The following KIAA0753 variants were observed in gnomAD, a reference collection of about 807,000 sequenced individuals.
KIAA0753 encodes the protein protein moonraker.
Under a neutral mutation model 116.9 loss-of-function variants are expected in KIAA0753, and 114 were observed. The observed-to-expected ratio is 0.98, with a 90% confidence interval of 0.84 to 1.14. The LOEUF (loss-of-function observed/expected upper bound fraction) is 1.14. Ranked by LOEUF, KIAA0753 falls within the 50% of genes most tolerant of loss-of-function variation. The pLI is 0.00. For synonymous variants in KIAA0753, 405 were observed against 413.1 expected (o/e 0.98, Z 0.24); for missense variants, 1,156 against 1,172.4 (o/e 0.99, Z 0.20).
At chr17:6,624,342 A>G (rs536639555) in intron 4 of KIAA0753, among the ~76,000 whole-genome samples, 1 of 152,302 alleles carries the variant, frequency 6.6e-6, no homozygotes, top group East Asian at 1.9e-4. Context: ...GAAACTAACA[A>G]GGTCCCTTTC....
At chr17:6,632,991 C>T (rs936501920) in intron 2 of KIAA0753, among the ~76,000 whole-genome samples, 8 of 152,174 alleles carry the variant, frequency 5.3e-5, no homozygotes. Flanking sequence ...ATTGGGACAA[C>T]TAACAAAATC....
At chr17:6,617,551 C>T (rs1224992375) in intron 7 of KIAA0753, among the ~76,000 whole-genome samples, 1 of 152,112 alleles carries the variant, frequency 6.6e-6, no homozygotes, top group Admixed American at 6.5e-5. Context: ...ATCTTTTTTC[C>T]TAATATTTGG....
At chr17:6,614,961 G>C (rs1441412606) in intron 7 of KIAA0753, among the ~76,000 whole-genome samples, 1 of 152,122 alleles carries the variant, frequency 6.6e-6, no homozygotes, top group East Asian at 1.9e-4. Context: ...ACCACGCCCA[G>C]CTAATTTTTG....
intron 12 of KIAA0753, among the ~76,000 whole-genome samples, chr17:6,604,863 A>G (rs1045011518): frequency 6.6e-6 from 1 of 152,194 alleles, no homozygotes; most frequent in Non-Finnish European, 1.5e-5. Context: ...ATAATCTTCT[A>G]TACCCAGTAA....
chr17:6,599,824 T>C (rs1472734643), intron 13 of KIAA0753, among the ~76,000 whole-genome samples: 1 of 152,160 alleles, frequency 6.6e-6, no homozygotes, highest in Non-Finnish European at 1.5e-5. Context: ...TATAATATTC[T>C]TCTGTGGCCT....
chr17:6,607,476 C>T, intron 10 of KIAA0753, among the ~76,000 whole-genome samples: 1 of 152,172 alleles, frequency 6.6e-6, no homozygotes, highest in Admixed American at 6.5e-5. Flanking sequence ...ATGCACAACG[C>T]AATGAGAACC....
At chr17:6,595,280 C>T (rs1969385437) in intron 15 of KIAA0753, among the ~76,000 whole-genome samples, 3 of 152,298 alleles carry the variant, frequency 2.0e-5, no homozygotes, top group Admixed American at 2.0e-4. Flanking sequence ...CTAGAAGCTG[C>T]TGCAGTGAGG....
At position 6,610,158 on chromosome 17, in the gene KIAA0753, T is replaced by TC; in HGVS notation, c.1547dup (p.Leu517ThrfsTer5). 1 of 1,613,862 alleles carries TC rather than the reference T, an allele frequency of 6.2e-7. No homozygotes were observed. ...GTCTACCTCTTTCAGCTTTGCGGAG[T>TC]CCCTGTGAGAGATAAGTAAGAATTA... On this transcript the variant is annotated frameshift_variant and splice_region_variant, in exon 9 of 19. Coordinates refer to ENST00000361413, the MANE Select transcript of KIAA0753 (RefSeq NM_014804.3). LOFTEE classifies it high-confidence loss of function.
At chr17:6,621,355 A>G (rs1280010176) in intron 6 of KIAA0753, among the ~76,000 whole-genome samples, 3 of 152,238 alleles carry the variant, frequency 2.0e-5, no homozygotes, top group African/African-American at 7.2e-5. Context: ...AAAATCTCAT[A>G]AACTCAGTCT....
chr17:6,628,184 T>C lies in KIAA0753; in HGVS notation c.651A>G (p.Leu217=), dbSNP rs1041716457. Residue 217 remains leucine (L), a synonymous_variant, in exon 3 of 19, where the codon CTA becomes CTG. Coordinates refer to ENST00000361413, the MANE Select transcript of KIAA0753 (RefSeq NM_014804.3). ...GTTCTTTCTGGAGTCGCTGGACTTCTAGCAGGCTTTTCTGTTCACTTATGT... is the reference window on the plus strand; with the variant it reads ...GTTCTTTCTGGAGTCGCTGGACTTCCAGCAGGCTTTTCTGTTCACTTATGT... The part of the protein sequence containing the change: ...HKNISEQKSL[L]EVQRLQKELS... The C allele has an allele frequency of 3.1e-6, 5 of 1,614,092 alleles. No homozygotes were observed. Among genetic ancestry groups the C allele is most frequent in the African/African-American group, 2.7e-5 (2 of 74,946 alleles).
chr17:6,637,048 G>C (rs1022149160), intron 1 of KIAA0753: 6 of 152,510 alleles, frequency 3.9e-5, no homozygotes, highest in African/African-American at 1.2e-4. Flanking sequence ...AGGCACACAG[G>C]TGTGAGATGT....
chr17:6,582,755 T>TAAAAA (rs1302892126), intron 18 of KIAA0753, among the ~76,000 whole-genome samples: 1 of 152,244 alleles, frequency 6.6e-6, no homozygotes, highest in Admixed American at 6.5e-5. Flanking sequence ...CACACTTTTA[T>TAAAAA]GATTCTTTAA....
chr17:6,605,631 G>A (rs1456364577), intron 12 of KIAA0753, among the ~76,000 whole-genome samples: 2 of 152,102 alleles, frequency 1.3e-5, no homozygotes, highest in Non-Finnish European at 2.9e-5. Flanking sequence ...GATATTGTTA[G>A]GGATACACAC....
rs1972236166 is a variant in KIAA0753 at position 6,635,118 on chromosome 17, C to T, written c.-15G>A. On this transcript the variant is annotated 5_prime_UTR_variant, in exon 2 of 19. Coordinates refer to ENST00000361413, the MANE Select transcript of KIAA0753 (RefSeq NM_014804.3). ...CCTGGTCCCATAATGTCAGGTAGTA[C>T]AGAACAATAGTGACAGCCTTGTCAT... is the stretch of plus-strand genomic sequence containing the variant. 6.3e-7 allele frequency: 1 copy of T among 1,584,990 alleles called. No individual in the cohort carries two copies. The highest frequency in any genetic ancestry group is 8.7e-7 in the Non-Finnish European group (1 of 1,153,472).
chr17:6,621,226 C>T (rs868458565), intron 6 of KIAA0753, among the ~76,000 whole-genome samples: 27 of 152,122 alleles, frequency 1.8e-4, no homozygotes, highest in African/African-American at 6.3e-4. Flanking sequence ...ATAGCAAAGA[C>T]ATAATGAATA....
rs1969484465 is a variant in KIAA0753, at chr17:6,596,345, T to C, written c.2173-2A>G. 1.5e-6 allele frequency: 2 copies of C among 1,344,536 alleles called. No homozygotes were observed. Among genetic ancestry groups the C allele is most frequent in the Non-Finnish European group, 1.0e-6 (1 of 996,840 alleles). 83.3% of individuals were successfully genotyped at this position (1,344,536 alleles called of 1,614,324 possible). A position where few individuals can be genotyped will look rare whatever the true frequency, so the allele number is the denominator to read the frequency against. On this transcript the variant is annotated splice_acceptor_variant, in intron 14 of 18. Transcript: ENST00000361413. LOFTEE classifies it high-confidence loss of function. Reference sequence around the variant, plus strand: ...GGATTCAAAATCAACAGCTGCAACCTACAAGATGGGGTGGGGTGGGGAGGA... The same window carrying C: ...GGATTCAAAATCAACAGCTGCAACCCACAAGATGGGGTGGGGTGGGGAGGA...
chr17:6,583,644 C>T (rs1326372066), intron 18 of KIAA0753, among the ~76,000 whole-genome samples: 1 of 152,176 alleles, frequency 6.6e-6, no homozygotes, highest in African/African-American at 2.4e-5. Flanking sequence ...TTGAGCCCAA[C>T]CAATGAATTC....
rs141614369 is a variant in KIAA0753 at position 6,595,833 on chromosome 17, G to A, written c.2358+325C>T. The stretch of plus-strand genomic sequence containing the variant: ...CAAGCTGACAGATGCAAAAGCCTAC[G>A]ATTCCACTTGTGGGCCCAGGCCCTG... On this transcript the variant is annotated intron_variant, in intron 15 of 18. Transcript: ENST00000361413. Among the ~76,000 whole-genome samples the A allele has an allele frequency of 7.7e-3, 1,168 of 152,300 alleles. 12 individuals carry two copies. Among genetic ancestry groups the A allele is most frequent in the African/African-American group, 0.026 (1,065 of 41,558 alleles).
intron 2 of KIAA0753, 75 bp downstream of exon 2, chr17:6,634,936 G>T: frequency 1.0e-6 from 1 of 971,502 alleles, no homozygotes; most frequent in Non-Finnish European, 1.6e-6. Context: ...TTTCAAAAGT[G>T]TTCACTGTCC....
Sources: allele counts gnomAD v4.1 joint callset (sites outside exome capture counted in the v4.1 genomes callset), GRCh38; gene constraint gnomAD v4.1.1; transcripts MANE v1.5; gene names NCBI Gene and HGNC (gene_info 2026-07-23, HGNC 2026-07-21).